The following CAMK4 variants were observed in gnomAD, a reference collection of about 807,000 sequenced individuals.
The protein encoded by CAMK4 is calcium/calmodulin-dependent protein kinase type IV.
CAMK4 carries 22 observed loss-of-function variants against 44.9 expected under a neutral mutation model. The observed-to-expected ratio is 0.49, with a 90% CI of 0.35 to 0.70. The LOEUF (loss-of-function observed/expected upper bound fraction) is 0.70. Among genes scored for constraint, CAMK4 ranks in the 30% least tolerant of loss-of-function variants. The pLI is 0.01. For synonymous variants in CAMK4, 218 were observed against 215.4 expected (o/e 1.01, Z -0.11); for missense variants, 498 against 586.8 (o/e 0.85, Z 1.56).
intron 5 of CAMK4, among the ~76,000 whole-genome samples, chr5:111,432,368 G>C (rs955398819): frequency 2.0e-5 from 3 of 151,980 alleles, no homozygotes; most frequent in Admixed American, 6.6e-5. Context: ...AGTGTAGTAG[G>C]GGGTTCGGGG....
intron 1 of CAMK4, among the ~76,000 whole-genome samples, chr5:111,330,054 T>C (rs1235831438): frequency 6.6e-6 from 1 of 150,592 alleles, no homozygotes; most frequent in East Asian, 2.0e-4. Context: ...TAAAACATAT[T>C]TTTTTTGGTA....
intron 2 of CAMK4, among the ~76,000 whole-genome samples, chr5:111,365,613 T>G (rs1750762478): frequency 6.6e-6 from 1 of 151,890 alleles, no homozygotes; most frequent in Non-Finnish European, 1.5e-5. Flanking sequence ...AGCTGGGATT[T>G]TGGAGGAAGA....
rs950362054 is a variant in CAMK4 at position 111,491,667 on chromosome 5, A to C, written c.*7201A>C. ...GAGTAGAATTAAAAAGATTTCTAGC[A>C]CTTTGAGCATGTTTTAGAAATTTGA... On this transcript the variant is annotated 3_prime_UTR_variant, in exon 11 of 11. Coordinates refer to ENST00000282356, the MANE Select transcript of CAMK4 (RefSeq NM_001744.6). The C allele has an allele frequency of 6.6e-6, 1 of 152,130 alleles. No homozygotes were observed. Among genetic ancestry groups the C allele is most frequent in the African/African-American group, 2.4e-5 (1 of 41,440 alleles). The allele number at this position is 152,130 out of a possible 1,614,324, so 9.4% of individuals were successfully genotyped here.
intron 5 of CAMK4, among the ~76,000 whole-genome samples, chr5:111,441,333 C>T (rs141522566): frequency 7.2e-5 from 11 of 152,230 alleles, no homozygotes; most frequent in African/African-American, 2.2e-4. Flanking sequence ...CTGTCTTATG[C>T]TTTTTAAAAA....
chr5:111,242,912 C>T (rs75240270), intron 1 of CAMK4, among the ~76,000 whole-genome samples: 2 of 152,192 alleles, frequency 1.3e-5, no homozygotes, highest in South Asian at 2.1e-4. Context: ...GGTGTCATCT[C>T]GGGAAGCCCT....
chr5:111,350,523 G>A (rs1484594817), intron 2 of CAMK4, among the ~76,000 whole-genome samples: 2 of 151,830 alleles, frequency 1.3e-5, no homozygotes, highest in African/African-American at 4.8e-5. Context: ...TTCTACTTAG[G>A]TACATCTCGG....
rs975361724 is a variant in CAMK4 at position 111,278,637 on chromosome 5, G to T, written c.161+53993G>T. Among the ~76,000 whole-genome samples the T allele has an allele frequency of 2.6e-5, 4 of 152,134 alleles. No homozygotes were observed. In the East Asian group the frequency reaches 7.7e-4, roughly 29 times the overall value. On this transcript the variant is annotated intron_variant, in intron 1 of 10. Coordinates refer to ENST00000282356, the MANE Select transcript of CAMK4 (RefSeq NM_001744.6). ...AAGTACCAGGTGAGAAGAAATCCCT[G>T]ATATAAAGAAGTTCAAAATCTAATG... is the stretch of plus-strand genomic sequence containing the variant.
chr5:111,476,193 CTCT>C (rs1439096950), intron 8 of CAMK4, among the ~76,000 whole-genome samples: 11 of 151,666 alleles, frequency 7.3e-5, no homozygotes, highest in African/African-American at 1.7e-4. Context: ...TCTTTTGTCC[CTCT>C]TCTTGTGGCT....
chr5:111,345,708 T>A (rs1248481040), intron 2 of CAMK4, among the ~76,000 whole-genome samples: 2 of 151,930 alleles, frequency 1.3e-5, no homozygotes, highest in Non-Finnish European at 2.9e-5. Flanking sequence ...AACAGGCTGG[T>A]TTAAAGGCTG....
chr5:111,254,491 T>C (rs1055520525), intron 1 of CAMK4, among the ~76,000 whole-genome samples: 1 of 152,206 alleles, frequency 6.6e-6, no homozygotes, highest in Non-Finnish European at 1.5e-5. Context: ...CTTCACACTC[T>C]GTAATGCCAG....
chr5:111,318,844 A>G (rs577247439), intron 1 of CAMK4, among the ~76,000 whole-genome samples: 2 of 152,206 alleles, frequency 1.3e-5, no homozygotes, highest in Non-Finnish European at 2.9e-5. Context: ...GTATAATTTT[A>G]TCAGTCTTAT....
At chr5:111,483,559 C>T (rs1580813094) in intron 10 of CAMK4, among the ~76,000 whole-genome samples, 1 of 152,126 alleles carries the variant, frequency 6.6e-6, no homozygotes, top group East Asian at 1.9e-4. Context: ...CTAAATAAAT[C>T]TGAAAGGCTC....
At chr5:111,261,376 G>T (rs1027186917) in intron 1 of CAMK4, among the ~76,000 whole-genome samples, 11 of 152,186 alleles carry the variant, frequency 7.2e-5, no homozygotes, top group African/African-American at 2.4e-4. Flanking sequence ...TTACCCAGCT[G>T]CACCAGTCTA....
chr5:111,433,261 G>A (rs1753526938), intron 5 of CAMK4, among the ~76,000 whole-genome samples: 1 of 152,212 alleles, frequency 6.6e-6, no homozygotes, highest in Non-Finnish European at 1.5e-5. Context: ...CTTGATGACT[G>A]AGGAAGGAGT....
At chr5:111,356,970 A>G (rs1383526480) in intron 2 of CAMK4, among the ~76,000 whole-genome samples, 2 of 152,092 alleles carry the variant, frequency 1.3e-5, no homozygotes, top group Admixed American at 6.6e-5. Context: ...AGACAGACAG[A>G]CAGACCATGA....
chr5:111,384,961 C>G (rs1332461250), intron 4 of CAMK4, among the ~76,000 whole-genome samples: 1 of 152,166 alleles, frequency 6.6e-6, no homozygotes, highest in African/African-American at 2.4e-5. Context: ...GTTCTCTTCC[C>G]ACCAATGTAT....
chr5:111,223,974 ACGC>A (rs1561343544), upstream of CAMK4: 1 of 153,690 alleles, frequency 6.5e-6, no homozygotes, highest in African/African-American at 2.4e-5. The surrounding 1 kb of genome is among the most constrained non-coding windows in gnomAD (Gnocchi z 4.3). Context: ...CTGCCAGGGT[ACGC>A]CTGGCGCCCG....
intron 7 of CAMK4, among the ~76,000 whole-genome samples, chr5:111,458,712 T>G (rs1240673003): frequency 6.6e-6 from 1 of 152,108 alleles, no homozygotes; most frequent in Non-Finnish European, 1.5e-5. Flanking sequence ...TGTGTTAGAA[T>G]GGAATATATA....
intron 4 of CAMK4, among the ~76,000 whole-genome samples, chr5:111,378,300 T>A (rs1449087182): frequency 2.0e-5 from 3 of 152,088 alleles, no homozygotes; most frequent in African/African-American, 7.2e-5. Context: ...CTGTGAGAAA[T>A]AAATGTTTGA....
Sources: gnomAD v4.1 joint callset for allele counts (sites outside exome capture counted in the v4.1 genomes callset) on GRCh38, gnomAD v4.1.1 for gene constraint, Gnocchi (gnomAD v3.1) non-coding constraint, MANE v1.5 for transcripts, NCBI Gene and HGNC (gene_info 2026-07-23, HGNC 2026-07-21) for gene names.